The following WDR46 variants were observed in gnomAD, a reference collection of about 807,000 sequenced individuals.
WDR46 encodes the protein WD repeat-containing protein 46.
Under a neutral mutation model 74.7 loss-of-function variants are expected in WDR46, and 58 were observed. The ratio of observed to expected loss-of-function variants is 0.78; its 90% confidence interval spans 0.63 to 0.97. The LOEUF is 0.97. Ranked by LOEUF, WDR46 falls within the 50% of genes least tolerant of loss-of-function variation. WDR46 has a pLI of 0.00. For synonymous variants in WDR46, 278 were observed against 297.3 expected (o/e 0.93, Z 0.67); for missense variants, 702 against 790.1 (o/e 0.89, Z 1.34).
intron 10 of WDR46, among the ~76,000 whole-genome samples, chr6:33,285,071 T>C (rs1766496768): frequency 6.6e-6 from 1 of 152,322 alleles, no homozygotes; most frequent in East Asian, 1.9e-4. Flanking sequence ...AGCATGAACA[T>C]GAATATCTAC....
rs141695400 is a variant in WDR46, at chr6:33,279,308, G to C, written c.1801C>G (p.Arg601Gly). The stretch of plus-strand genomic sequence containing the variant: ...ACAAATCTGTCCAGGGCAGATGGCC[G>C]GGCCCCCGTGGGCTTGGCCTTCGCC... ...KEAKAKPTGARPSALDRFVR is the reference protein window; with the variant it reads ...KEAKAKPTGAGPSALDRFVR The change falls in exon 15 of 15, where the codon CGG (arginine) becomes GGG (glycine). Residue 601 changes from arginine to glycine, a missense_variant. Physicochemically the swap from Arg to Gly is moderately radical, Grantham distance 125 (BLOSUM62 -2). Coordinates refer to ENST00000374617, the MANE Select transcript of WDR46 (RefSeq NM_005452.6). 1.4e-5 allele frequency: 23 copies of C among 1,614,200 alleles called. No individual in the cohort carries two copies. The African/African-American group carries it at 2.8e-4, about 20-fold the overall frequency.
rs868705068 is a variant in WDR46, at chr6:33,280,869, T to C, written c.1234A>G (p.Arg412Gly). The stretch of plus-strand genomic sequence containing the variant: ...CCCATTCCCGCCACCAGCAGTCCCC[T>C]CTGGGAGAAGGCCAGGTGCCCTGCT... The part of the protein sequence containing the change: ...HGAGHLAFSQ[R>G]GLLVAGMGDV... The change falls in exon 11 of 15, where the codon AGG becomes GGG. Residue 412 changes from arginine to glycine, a missense_variant. Transcript: ENST00000374617. 1 of 1,614,068 alleles carries C rather than the reference T, an allele frequency of 6.2e-7. No homozygotes were observed. The highest frequency in any genetic ancestry group is 8.5e-7 in the Non-Finnish European group (1 of 1,180,032).
chr6:33,287,393 G>A lies in WDR46; in HGVS notation c.841C>T (p.Leu281Phe), dbSNP rs748867634. 31 of 1,612,174 alleles carry A rather than the reference G, an allele frequency of 1.9e-5. No homozygotes were observed. Among genetic ancestry groups the A allele is most frequent in the Non-Finnish European group, 2.4e-5 (28 of 1,179,806 alleles). Reference sequence around the variant, plus strand: ...AGGAAGTGGAAGGGCAGGAACTCAAGCCGTGTTACTCGGTCACAGCGGCGG... The same window carrying A: ...AGGAAGTGGAAGGGCAGGAACTCAAACCGTGTTACTCGGTCACAGCGGCGG... ...CIRRCDRVTR[L>F]EFLPFHFLLA... Residue 281 changes from leucine to phenylalanine, a missense_variant, in exon 8 of 15, where the codon CTT becomes TTT. By Grantham distance (22) the Leu-to-Phe change is conservative. Coordinates refer to ENST00000374617, the MANE Select transcript of WDR46 (RefSeq NM_005452.6).
chr6:33,287,630 C>T lies in WDR46; in HGVS notation c.712G>A (p.Ala238Thr). 6.2e-7 allele frequency: 1 copy of T among 1,613,996 alleles called. No individual in the cohort carries two copies. The highest frequency in any genetic ancestry group is 8.5e-7 in the Non-Finnish European group (1 of 1,180,020). Residue 238 changes from alanine to threonine, a missense_variant, in exon 7 of 15, where the codon GCG (alanine) becomes ACG (threonine). Ala to Thr is a moderately conservative substitution (Grantham distance 58). Coordinates refer to ENST00000374617, the MANE Select transcript of WDR46 (RefSeq NM_005452.6). ...KLMCEINVME[A>T]VRDIRFLHSE... is the part of the protein sequence containing the mutation. ...GCCACTGACCGGATGTCCCGCACCG[C>T]CTCCATGACGTTGATCTCGCACATA...
rs1766761840 is a variant in WDR46 at position 33,287,456 on chromosome 6, G to A, written c.778C>T (p.His260Tyr). 6.2e-7 allele frequency: 1 copy of A among 1,612,786 alleles called. No individual in the cohort carries two copies. ...LLAVAQNRWL[H>Y]IYDNQGIELH... is the part of the protein sequence containing the mutation. ...TCAATGCCCTGATTGTCATAGATGT[G>A]GAGCCAGCGGTTCTGAGCAACAGCA... The change falls in exon 8 of 15, where the codon CAC becomes TAC. Residue 260 changes from histidine (H) to tyrosine (Y), a missense_variant. Coordinates refer to ENST00000374617, the MANE Select transcript of WDR46 (RefSeq NM_005452.6).
rs773887242 is a variant in WDR46, at chr6:33,288,168, C to G, written c.541G>C (p.Asp181His). The G allele has an allele frequency of 1.2e-6, 2 of 1,614,236 alleles. No individual in the cohort carries two copies. The highest frequency in any genetic ancestry group is 1.6e-4 in the Middle Eastern group (1 of 6,062). Residue 181 changes from aspartate to histidine, a missense_variant, in exon 5 of 15, where the codon GAC becomes CAC. Asp to His is a moderately conservative substitution (Grantham distance 81). Coordinates refer to ENST00000374617, the MANE Select transcript of WDR46 (RefSeq NM_005452.6). ...ICQADIVEAVDIASAAKHFDL... is the reference protein window; with the variant it reads ...ICQADIVEAVHIASAAKHFDL... ...CTCACCTTGGCTGCACTTGCAATGT[C>G]CACAGCCTCCACAATGTCAGCCTGG...
Position 33,287,605 on chromosome 6 carries a change from G to A in WDR46, c.728+9C>T. 2 of 1,613,766 alleles carry A rather than the reference G, an allele frequency of 1.2e-6. No individual in the cohort carries two copies. The highest frequency in any genetic ancestry group is 1.7e-6 in the Non-Finnish European group (2 of 1,179,956). Reference sequence around the variant, plus strand: ...ACCCCAACTGACCGCTGACAGTGAGGCCACTGACCGGATGTCCCGCACCGC... The same window carrying A: ...ACCCCAACTGACCGCTGACAGTGAGACCACTGACCGGATGTCCCGCACCGC... On this transcript the variant is annotated intron_variant, in intron 7 of 14. Coordinates refer to ENST00000374617, the MANE Select transcript of WDR46 (RefSeq NM_005452.6).
Position 33,279,607 on chromosome 6 carries a change from A to G in WDR46, c.1624T>C (p.Tyr542His). Residue 542 changes from tyrosine (Y) to histidine (H), a missense_variant, in exon 14 of 15, where the codon TAT (tyrosine) becomes CAT (histidine). Physicochemically the swap from Tyr to His is moderately conservative, Grantham distance 83. Transcript: ENST00000374617. Reference sequence around the variant, plus strand: ...AAGGGAGCCTTAGCCTGCGGGTCATAGCCCTGAGGGAGGGGACAGGAGTGA... The same window carrying G: ...AAGGGAGCCTTAGCCTGCGGGTCATGGCCCTGAGGGAGGGGACAGGAGTGA... ...GKKEQIERLG[Y>H]DPQAKAPFQP... 1 of 1,614,178 alleles carries G rather than the reference A, an allele frequency of 6.2e-7. No individual in the cohort carries two copies. The highest frequency in any genetic ancestry group is 8.5e-7 in the Non-Finnish European group (1 of 1,180,032).
chr6:33,282,517 A>G (rs1311787355), intron 10 of WDR46, among the ~76,000 whole-genome samples: 2 of 152,208 alleles, frequency 1.3e-5, no homozygotes, highest in African/African-American at 4.8e-5. Flanking sequence ...CTGTACTACT[A>G]GTAAGCAGCA....
chr6:33,287,950 A>G lies in WDR46; in HGVS notation c.623+15T>C, dbSNP rs1383654861. 2.5e-6 allele frequency: 4 copies of G among 1,613,748 alleles called. No homozygotes were observed. The highest frequency in any genetic ancestry group is 2.2e-5 in the South Asian group (2 of 91,084). On this transcript the variant is annotated intron_variant, in intron 6 of 14. Coordinates refer to ENST00000374617, the MANE Select transcript of WDR46 (RefSeq NM_005452.6). ...AACACATCTTAGTTCAAGAGTCACT[A>G]GAATTCAACCTTACCTTCCAGTTCG...
rs1316697206 is a variant in WDR46, at chr6:33,287,729, T to G, written c.624-11A>C. 6.2e-7 allele frequency: 1 copy of G among 1,613,056 alleles called. No individual in the cohort carries two copies. Among genetic ancestry groups the G allele is most frequent in the South Asian group, 1.1e-5 (1 of 91,024 alleles). ...CCAAAAGCCAGGTGTCTGTTGGAGG[T>G]GAGGGGCAGGCAGGGTGTTAAGGCA... On this transcript the variant is annotated splice_polypyrimidine_tract_variant and intron_variant, in intron 6 of 14. Transcript: ENST00000374617.
At chr6:33,281,560 A>C (rs1293393754) in intron 10 of WDR46, among the ~76,000 whole-genome samples, 1 of 152,222 alleles carries the variant, frequency 6.6e-6, no homozygotes, top group East Asian at 1.9e-4. Flanking sequence ...AAACATGGTC[A>C]GGAAAATCAG....
At chr6:33,281,743 G>C (rs541668960) in intron 10 of WDR46, among the ~76,000 whole-genome samples, 1 of 152,316 alleles carries the variant, frequency 6.6e-6, no homozygotes, top group East Asian at 1.9e-4. Flanking sequence ...CTGCCCCTCT[G>C]TGTGCTTTCC....
rs114542815 is a variant in WDR46 at position 33,281,247 on chromosome 6, T to C, written c.1116-260A>G. Among the ~76,000 whole-genome samples, 361 of 152,294 alleles carry C rather than the reference T, an allele frequency of 2.4e-3. 1 individual carries two copies. Among genetic ancestry groups the C allele is most frequent in the African/African-American group, 8.5e-3 (353 of 41,564 alleles). On this transcript the variant is annotated intron_variant, in intron 10 of 14. Transcript: ENST00000374617. ...CAGTGAATGGTCAGGCCTGTCTCTT[T>C]AGCATCTGCCTCTAACCTGCTAACA...
rs199643021 is a variant in WDR46 at position 33,289,191 on chromosome 6, T to C, written c.-21A>G. 4.3e-4 allele frequency: 685 copies of C among 1,604,204 alleles called. No individual in the cohort carries two copies. The highest frequency in any genetic ancestry group is 5.3e-4 in the Non-Finnish European group (624 of 1,175,690). Reference sequence around the variant, plus strand: ...TCCATCTCGCCCACCCGAACGGCGATCCACGTGCAAAACTCCTCTCAGCTG... The same window carrying C: ...TCCATCTCGCCCACCCGAACGGCGACCCACGTGCAAAACTCCTCTCAGCTG... On this transcript the variant is annotated 5_prime_UTR_variant, in exon 1 of 15. Transcript: ENST00000374617.
chr6:33,287,137 C>T lies in WDR46; in HGVS notation c.969G>A (p.Met323Ile), dbSNP rs1766724444. The T allele has an allele frequency of 1.2e-6, 2 of 1,613,998 alleles. No homozygotes were observed. Among genetic ancestry groups the T allele is most frequent in the Non-Finnish European group, 1.7e-6 (2 of 1,180,002 alleles). ...TGACGGCATTGTAAGGGTTCTGACT[C>T]ATAACATCGAGCCGCCCAGCTCGAG... The part of the protein sequence containing the change: ...LNARAGRLDV[M>I]SQNPYNAVIH... Residue 323 changes from methionine (M) to isoleucine (I), a missense_variant, in exon 9 of 15, where the codon ATG becomes ATA. By Grantham distance (10) the Met-to-Ile change is conservative. Transcript: ENST00000374617.
chr6:33,280,265 G>C (rs553244537), intron 12 of WDR46, among the ~76,000 whole-genome samples, 163 bp downstream of exon 12: 18 of 149,796 alleles, frequency 1.2e-4, no homozygotes, highest in Admixed American at 1.3e-4. Flanking sequence ...TCTCCAGCAG[G>C]GGGGAACCTG....
At position 33,287,172 on chromosome 6, in the gene WDR46, C is replaced by T; in HGVS notation, c.934G>A (p.Ala312Thr). The T allele has an allele frequency of 6.2e-7, 1 of 1,613,844 alleles. No individual in the cohort carries two copies. The highest frequency in any genetic ancestry group is 1.1e-5 in the South Asian group (1 of 91,040). The change falls in exon 9 of 15, where the codon GCT becomes ACT. Residue 312 changes from alanine to threonine, a missense_variant. Ala to Thr is a moderately conservative substitution (Grantham distance 58, BLOSUM62 0). Coordinates refer to ENST00000374617, the MANE Select transcript of WDR46 (RefSeq NM_005452.6). The part of the protein sequence containing the change: ...LDVSVGKIVA[A>T]LNARAGRLDV... ...AGCCGCCCAGCTCGAGCATTCAGAGCTGCCACAATCTTCCCCACTGACACA... is the reference window on the plus strand; with the variant it reads ...AGCCGCCCAGCTCGAGCATTCAGAGTTGCCACAATCTTCCCCACTGACACA...
intron 1 of WDR46, 29 bp from the exon 2 acceptor site, chr6:33,289,042 A>G: frequency 6.2e-7 from 1 of 1,611,714 alleles, no homozygotes; most frequent in Non-Finnish European, 8.5e-7. Context: ...CTCCGCACTC[A>G]CGCCCCGCCC....
Sources: gnomAD v4.1 joint callset for allele counts (sites outside exome capture counted in the v4.1 genomes callset) on GRCh38, gnomAD v4.1.1 for gene constraint, MANE v1.5 for transcripts, NCBI Gene and HGNC (gene_info 2026-07-23, HGNC 2026-07-21) for gene names.